The following DCAF8 variants were observed in gnomAD, a reference collection of about 807,000 sequenced individuals.
The protein encoded by DCAF8 is DDB1 and CUL4 associated factor 8.
DCAF8 carries 20 observed loss-of-function variants against 68.0 expected under a neutral mutation model. That is an observed-to-expected ratio of 0.29 (90% confidence interval 0.21 to 0.43). The LOEUF is 0.43. Ranked by LOEUF, DCAF8 falls within the 20% of genes least tolerant of loss-of-function variation. The probability of loss-of-function intolerance (pLI) is 1.00; values close to 1 mark genes in which losing one functional copy is unlikely to be tolerated. For synonymous variants in DCAF8, 230 were observed against 276.9 expected, an observed-to-expected ratio of 0.83 and a Z score of 1.68; for missense variants, 460 against 771.0, an observed-to-expected ratio of 0.60 and a Z score of 4.78.
intron 11 of DCAF8, chr1:160,219,969 A>G (rs891312434): frequency 6.6e-6 from 1 of 152,246 alleles, no homozygotes; most frequent in Admixed American, 6.5e-5. Context: ...TTCTCTCTGG[A>G]CCAACCACCT....
chr1:160,230,885 G>A (rs1299959103), intron 7 of DCAF8, among the ~76,000 whole-genome samples: 1 of 151,998 alleles, frequency 6.6e-6, no homozygotes, highest in Admixed American at 6.6e-5. Context: ...TTGAGCAGCT[G>A]GGACTACACG....
At chr1:160,249,012 T>C (rs969780234) in intron 2 of DCAF8, among the ~76,000 whole-genome samples, 1 of 151,816 alleles carries the variant, frequency 6.6e-6, no homozygotes, top group East Asian at 1.9e-4. Flanking sequence ...ACCAACGTGG[T>C]AAAACCCCAT....
chr1:160,219,048 A>T (rs535475353), intron 11 of DCAF8, 80 bp from the exon 12 acceptor site: 1 of 1,574,268 alleles, frequency 6.4e-7, no homozygotes, highest in South Asian at 1.2e-5. Context: ...CTTGAGCCAA[A>T]TAACTGCCCT....
At position 160,218,395 on chromosome 1, in the gene DCAF8, G is replaced by C. The variant is rs1218576549; in HGVS notation, c.1606C>G (p.Gln536Glu). Reference protein sequence around the residue: ...KRERDEDSLHQTDLFDSHMLW... With the variant: ...KRERDEDSLHETDLFDSHMLW... ...ATGTGACTATCAAACAGGTCAGTTT[G>C]GTGCAAGCTATCTTCATCCCGCTCC... Residue 536 changes from glutamine (Q) to glutamate (E), a missense_variant, in exon 13 of 14, where the codon CAA becomes GAA. Gln to Glu is a conservative substitution (Grantham distance 29, BLOSUM62 2). This residue lies in a region of DCAF8 where 80 missense variants were observed against 115.1 expected (regional missense o/e 0.70). Coordinates refer to ENST00000368074, the MANE Select transcript of DCAF8 (RefSeq NM_015726.4). The C allele has an allele frequency of 3.1e-6, 5 of 1,614,048 alleles. No individual in the cohort carries two copies. The highest frequency in any genetic ancestry group is 4.2e-6 in the Non-Finnish European group (5 of 1,180,034).
In DCAF8 at chr1:160,240,334, G is replaced by A. The variant is rs994999239; in HGVS notation, c.86C>T (p.Ala29Val). 1.9e-6 allele frequency: 3 copies of A among 1,613,194 alleles called. No individual in the cohort carries two copies. Among genetic ancestry groups the A allele is most frequent in the Non-Finnish European group, 2.5e-6 (3 of 1,179,930 alleles). ...LSSSPEEMSG[A>V]EEGRETSSGI... The stretch of plus-strand genomic sequence containing the variant: ...TGAGGATGTCTCCCTCCCCTCTTCA[G>A]CTCCAGACATCTCCTCTGGACTGCT... The change falls in exon 4 of 14, where the codon GCT (alanine) becomes GTT (valine). Residue 29 changes from alanine to valine, a missense_variant. By Grantham distance (64) the Ala-to-Val change is moderately conservative (BLOSUM62 0). Coordinates refer to ENST00000368074, the MANE Select transcript of DCAF8 (RefSeq NM_015726.4).
chr1:160,244,764 C>A (rs1656253710), intron 2 of DCAF8, among the ~76,000 whole-genome samples: 1 of 151,984 alleles, frequency 6.6e-6, no homozygotes, highest in Non-Finnish European at 1.5e-5. Flanking sequence ...ACTACAGGCG[C>A]CTGCCACCAT....
At chr1:160,217,926 G>A in intron 13 of DCAF8, 1 of 532,122 alleles carries the variant, frequency 1.9e-6, no homozygotes, top group South Asian at 3.0e-5. Context: ...ACACAGAATG[G>A]GTATGGCTGC....
intron 3 of DCAF8, 122 bp downstream of exon 3, chr1:160,243,838 C>T: frequency 1.1e-6 from 1 of 926,290 alleles, no homozygotes; most frequent in Non-Finnish European, 1.7e-6. Context: ...TTCCTAAACT[C>T]AGAACAACAC....
chr1:160,249,834 C>A (rs1656505385), intron 2 of DCAF8, among the ~76,000 whole-genome samples: 1 of 152,146 alleles, frequency 6.6e-6, no homozygotes, highest in Non-Finnish European at 1.5e-5. Flanking sequence ...ACTACTGATA[C>A]AAGCAACAAC....
chr1:160,240,814 C>T (rs1656084524), intron 3 of DCAF8, among the ~76,000 whole-genome samples: 1 of 152,160 alleles, frequency 6.6e-6, no homozygotes, highest in African/African-American at 2.4e-5. Context: ...AGACGGAAAC[C>T]AGCTGATAAA....
At chr1:160,227,720 G>A (rs1655527051) in intron 7 of DCAF8, among the ~76,000 whole-genome samples, 1 of 152,132 alleles carries the variant, frequency 6.6e-6, no homozygotes, top group Admixed American at 6.5e-5. Flanking sequence ...GCATGAAAGT[G>A]GTCATAAACA....
At position 160,225,615 on chromosome 1, in the gene DCAF8, G is replaced by T. The variant is rs780045484; in HGVS notation, c.1119C>A (p.Leu373=). 3 of 1,613,528 alleles carry T rather than the reference G, an allele frequency of 1.9e-6. No individual in the cohort carries two copies. Among genetic ancestry groups the T allele is most frequent in the Non-Finnish European group, 2.5e-6 (3 of 1,179,644 alleles). Residue 373 remains leucine (L), a synonymous_variant, in exon 8 of 14, where the codon CTC becomes CTA. Coordinates refer to ENST00000368074, the MANE Select transcript of DCAF8 (RefSeq NM_015726.4). ...CCAGGTGATGAGGACAGAACTTCTT[G>T]AGTACTCCATTGTTCTCATTCTCAT... ...KIDENENNGV[L]KKFCPHHLVN... is the part of the protein sequence containing the mutation.
At chr1:160,218,527 A>G in intron 12 of DCAF8, 87 bp from the exon 13 acceptor site, 1 of 1,030,890 alleles carries the variant, frequency 9.7e-7, no homozygotes, top group Middle Eastern at 2.6e-4. Flanking sequence ...TATCCCAATA[A>G]AAGCTTCCCT....
intron 6 of DCAF8, among the ~76,000 whole-genome samples, chr1:160,236,004 G>C (rs1303560070): frequency 6.6e-6 from 1 of 152,190 alleles, no homozygotes; most frequent in Non-Finnish European, 1.5e-5. Context: ...CTCCCAAAGT[G>C]CTGGGATTAC....
At chr1:160,223,667 G>A (rs1170061519) in intron 10 of DCAF8, among the ~76,000 whole-genome samples, 1 of 152,200 alleles carries the variant, frequency 6.6e-6, no homozygotes, top group Admixed American at 6.5e-5. Flanking sequence ...GGAAGTCGAG[G>A]CAGGCGGATC....
chr1:160,218,430 T>C lies in DCAF8; in HGVS notation c.1571A>G (p.Lys524Arg). 1.2e-6 allele frequency: 2 copies of C among 1,614,068 alleles called. 1 individual carries two copies. The highest frequency in any genetic ancestry group is 3.3e-4 in the Middle Eastern group (2 of 6,060). Reference sequence around the variant, plus strand: ...ATCTTCATCCCGCTCCCGCTTGTTCTTCTTAATCACCTGGAACCCAAAAAG... The same window carrying C: ...ATCTTCATCCCGCTCCCGCTTGTTCCTCTTAATCACCTGGAACCCAAAAAG... Reference protein sequence around the residue: ...ELTGLKDVIKKNKRERDEDSL... With the variant: ...ELTGLKDVIKRNKRERDEDSL... The change falls in exon 13 of 14, where the codon AAG becomes AGG. Residue 524 changes from lysine to arginine, a missense_variant. This residue lies in a region of DCAF8 where 80 missense variants were observed against 115.1 expected (regional missense o/e 0.70). Coordinates refer to ENST00000368074, the MANE Select transcript of DCAF8 (RefSeq NM_015726.4).
chr1:160,234,639 A>G (rs1035183577), intron 6 of DCAF8, among the ~76,000 whole-genome samples: 4 of 152,226 alleles, frequency 2.6e-5, no homozygotes, highest in Admixed American at 2.0e-4. Context: ...TTAACACAGC[A>G]TATTAAATAA....
intron 2 of DCAF8, among the ~76,000 whole-genome samples, chr1:160,255,148 C>G (rs1656777983): frequency 6.6e-6 from 1 of 152,110 alleles, no homozygotes; most frequent in African/African-American, 2.4e-5. Context: ...ATCTGCTTAC[C>G]CTTTCTGGCG....
At chr1:160,230,447 A>G (rs1655638026) in intron 7 of DCAF8, among the ~76,000 whole-genome samples, 1 of 151,756 alleles carries the variant, frequency 6.6e-6, no homozygotes, top group Admixed American at 6.6e-5. Context: ...CTGAATCCAC[A>G]GTGTCTGTTT....
Sources: allele counts gnomAD v4.1 joint callset (sites outside exome capture counted in the v4.1 genomes callset), GRCh38; gene constraint gnomAD v4.1.1; regional missense constraint gnomAD v4.1.1; transcripts MANE v1.5; gene names NCBI Gene and HGNC (gene_info 2026-07-23, HGNC 2026-07-21).